The following AFAP1 variants were observed in gnomAD, a reference collection of about 807,000 sequenced individuals.
AFAP1 encodes actin filament-associated protein 1.
A neutral mutation model predicts 93.9 loss-of-function variants in AFAP1; 75 were observed. That is an observed-to-expected ratio of 0.80 (90% CI 0.66 to 0.97). The LOEUF (loss-of-function observed/expected upper bound fraction) is 0.97. AFAP1 is among the 50% of genes least tolerant of loss of function. AFAP1 has a pLI of 0.00. For missense variants in AFAP1, 1,201 were observed against 1,050.8 expected (o/e 1.14, Z -1.98); for synonymous variants, 517 against 430.7 (o/e 1.20, Z -2.48).
intron 1 of AFAP1, among the ~76,000 whole-genome samples, chr4:7,902,528 T>C (rs1719174100): frequency 6.6e-6 from 1 of 152,172 alleles, no homozygotes; most frequent in South Asian, 2.1e-4. Context: ...TGTTCTAAAG[T>C]TGCTGTTTCC....
chr4:7,901,077 A>T (rs375250136), intron 1 of AFAP1, among the ~76,000 whole-genome samples: 1 of 152,338 alleles, frequency 6.6e-6, no homozygotes. Flanking sequence ...TCTATGTATA[A>T]CAGCAAGAGT....
chr4:7,829,270 C>T (rs946437515), intron 6 of AFAP1, among the ~76,000 whole-genome samples: 3 of 152,222 alleles, frequency 2.0e-5, no homozygotes, highest in Non-Finnish European at 4.4e-5. Flanking sequence ...CTCCCAAGTC[C>T]TTTTCCTGGC....
At chr4:7,883,633 G>C (rs1340919084) in intron 1 of AFAP1, among the ~76,000 whole-genome samples, 2 of 152,200 alleles carry the variant, frequency 1.3e-5, no homozygotes, top group Non-Finnish European at 2.9e-5. Flanking sequence ...CAGGAGACGT[G>C]AAAACTGTAG....
At position 7,762,353 on chromosome 4, in the gene AFAP1, T is replaced by TGTATTCTATGCTTG. The variant is rs1283262609; in HGVS notation, c.*1398_*1411dup. On this transcript the variant is annotated 3_prime_UTR_variant, in exon 18 of 18. Coordinates refer to ENST00000420658, the MANE Select transcript of AFAP1 (RefSeq NM_001134647.2). Reference sequence around the variant, plus strand: ...AGGCTTACACCAAGTATGGCACCTCTGTATTCTATGCTTGGGGAAGGGGCG... The same window carrying TGTATTCTATGCTTG: ...AGGCTTACACCAAGTATGGCACCTCTGTATTCTATGCTTGGTATTCTATGCTTGGGGAAGGGGCG... 1 of 152,232 alleles carries TGTATTCTATGCTTG rather than the reference T, an allele frequency of 6.6e-6. No homozygotes were observed. Among genetic ancestry groups the TGTATTCTATGCTTG allele is most frequent in the African/African-American group, 2.4e-5 (1 of 41,450 alleles). 9.4% of individuals were successfully genotyped at this position (152,232 alleles called of 1,614,324 possible). A position where few individuals can be genotyped will look rare whatever the true frequency, so the allele number is the denominator to read the frequency against.
At chr4:7,926,092 C>T (rs1297444511) in intron 1 of AFAP1, among the ~76,000 whole-genome samples, 1 of 152,190 alleles carries the variant, frequency 6.6e-6, no homozygotes, top group Non-Finnish European at 1.5e-5. Flanking sequence ...ATCCCTACAC[C>T]TTAGCATCCT....
chr4:7,776,951 A>G (rs115233909), intron 14 of AFAP1: 1 of 152,228 alleles, frequency 6.6e-6, no homozygotes, highest in Admixed American at 6.5e-5. Flanking sequence ...GGATTCAAGC[A>G]AAAACACGGA....
Position 7,868,640 on chromosome 4 carries a change from C to A in AFAP1, c.207G>T (p.Glu69Asp). The change falls in exon 3 of 18, where the codon GAG (glutamate) becomes GAT (aspartate). Residue 69 changes from glutamate to aspartate, a missense_variant. By Grantham distance (45) the Glu-to-Asp change is conservative (BLOSUM62 2). Coordinates refer to ENST00000420658, the MANE Select transcript of AFAP1 (RefSeq NM_001134647.2). ...LPAPPQMPLPEIPQPWLPPDS... is the reference protein window; with the variant it reads ...LPAPPQMPLPDIPQPWLPPDS... ...GACTCACCAGCCAGGGCTGAGGGAT[C>A]TCCGGCAGGGGCATCTGAGGAGGGG... 6.2e-7 allele frequency: 1 copy of A among 1,612,344 alleles called. No homozygotes were observed.
At chr4:7,825,269 C>T (rs1721322413) in intron 6 of AFAP1, among the ~76,000 whole-genome samples, 1 of 152,144 alleles carries the variant, frequency 6.6e-6, no homozygotes, top group Non-Finnish European at 1.5e-5. Context: ...GACTCTCACC[C>T]ACCTTTCCAT....
intron 3 of AFAP1, among the ~76,000 whole-genome samples, chr4:7,864,758 G>GA (rs539621526): frequency 7.1e-4 from 108 of 152,178 alleles, no homozygotes; most frequent in African/African-American, 2.3e-3. Context: ...ATAAACCAAT[G>GA]AAAAAAATGA....
intron 1 of AFAP1, among the ~76,000 whole-genome samples, chr4:7,894,475 A>C (rs1362477008): frequency 2.0e-5 from 3 of 152,182 alleles, no homozygotes; most frequent in African/African-American, 7.2e-5. Flanking sequence ...TCTGAGGCAG[A>C]AGAGACGTAC....
At chr4:7,784,758 C>T (rs1004351352) in intron 12 of AFAP1, among the ~76,000 whole-genome samples, 12 of 152,232 alleles carry the variant, frequency 7.9e-5, no homozygotes, top group South Asian at 4.1e-4. Context: ...GCCACTAGAA[C>T]CTGCTTTCAG....
chr4:7,882,290 A>C (rs910936942), intron 1 of AFAP1, among the ~76,000 whole-genome samples: 3 of 152,134 alleles, frequency 2.0e-5, no homozygotes, highest in Non-Finnish European at 2.9e-5. Flanking sequence ...AAACAAAAAA[A>C]CACCAGACCC....
chr4:7,911,731 C>A (rs114018092), intron 1 of AFAP1, among the ~76,000 whole-genome samples: 1 of 152,178 alleles, frequency 6.6e-6, no homozygotes, highest in Non-Finnish European at 1.5e-5. Flanking sequence ...CTATTCCACA[C>A]GGGTCCCTCC....
At chr4:7,860,932 C>T (rs1018237288) in intron 3 of AFAP1, among the ~76,000 whole-genome samples, 2 of 152,186 alleles carry the variant, frequency 1.3e-5, no homozygotes, top group Non-Finnish European at 2.9e-5. Context: ...CTGCCTCGCT[C>T]GCCTCGCCTC....
intron 6 of AFAP1, among the ~76,000 whole-genome samples, chr4:7,824,984 G>A (rs1721297603): frequency 6.6e-6 from 1 of 152,116 alleles, no homozygotes; most frequent in Non-Finnish European, 1.5e-5. Context: ...AACAATATGG[G>A]ATAACAGCAG....
chr4:7,911,601 C>A (rs1478698513), intron 1 of AFAP1, among the ~76,000 whole-genome samples: 1 of 152,234 alleles, frequency 6.6e-6, no homozygotes, highest in Non-Finnish European at 1.5e-5. Flanking sequence ...GCTTCCTCAT[C>A]TCCATTTTTT....
intron 17 of AFAP1, among the ~76,000 whole-genome samples, chr4:7,765,487 C>T (rs1240311526): frequency 6.6e-6 from 1 of 152,256 alleles, no homozygotes; most frequent in African/African-American, 2.4e-5. Context: ...GCCCTCCGTG[C>T]TCTTCCTCAC....
intron 6 of AFAP1, among the ~76,000 whole-genome samples, chr4:7,834,407 G>T (rs972867784): frequency 1.3e-5 from 2 of 152,214 alleles, no homozygotes; most frequent in Non-Finnish European, 2.9e-5. Flanking sequence ...ACTGGGTGCA[G>T]TGTATACTGC....
rs1716432761 is a variant in AFAP1, at chr4:7,778,823, C to G, written c.1836G>C (p.Lys612Asn). 1 of 1,614,106 alleles carries G rather than the reference C, an allele frequency of 6.2e-7. No individual in the cohort carries two copies. Among genetic ancestry groups the G allele is most frequent in the African/African-American group, 1.3e-5 (1 of 74,936 alleles). Residue 612 changes from lysine to asparagine, a missense_variant, in exon 14 of 18, where the codon AAG becomes AAC. By Grantham distance (94) the Lys-to-Asn change is moderately conservative. Coordinates refer to ENST00000420658, the MANE Select transcript of AFAP1 (RefSeq NM_001134647.2). The stretch of plus-strand genomic sequence containing the variant: ...CTTTCTTTGGCTGACTGCTCAGAGT[C>G]TTCCCTTTTCCTGTGACCCCATTAG... The part of the protein sequence containing the change: ...VASNGVTGKG[K>N]TLSSQPKKAD...
Sources: allele counts gnomAD v4.1 joint callset (sites outside exome capture counted in the v4.1 genomes callset), GRCh38; gene constraint gnomAD v4.1.1; transcripts MANE v1.5; gene names NCBI Gene and HGNC (gene_info 2026-07-23, HGNC 2026-07-21).